The following NTM variants were observed in gnomAD, a reference collection of about 807,000 sequenced individuals.
NTM encodes IgLON family member 2.
Under a neutral mutation model 42.1 loss-of-function variants are expected in NTM, and 13 were observed. The ratio of observed to expected loss-of-function variants is 0.31; its 90% CI spans 0.20 to 0.49. The LOEUF (loss-of-function observed/expected upper bound fraction) is 0.49. NTM is among the 20% of genes least tolerant of loss of function. NTM has a pLI of 0.99. For missense variants in NTM, 373 were observed against 452.8 expected (o/e 0.82, Z 1.60); for synonymous variants, 187 against 179.2 (o/e 1.04, Z -0.35).
Position 132,003,002 on chromosome 11 carries a change from A to G in NTM, c.167+91354A>G, listed in dbSNP as rs1234549542. Among the ~76,000 whole-genome samples the G allele has an allele frequency of 1.3e-5, 2 of 152,168 alleles. No homozygotes were observed. Among genetic ancestry groups the G allele is most frequent in the Admixed American group, 6.5e-5 (1 of 15,282 alleles). On this transcript the variant is annotated intron_variant, in intron 2 of 8. Transcript: ENST00000683400. This position sits in a 1 kb window ranked among gnomAD's most constrained non-coding sequence, Gnocchi z 6.0. ...TACTGTCCGCCTGTCAAAGTTCCTG[A>G]GCAGCAGCTGATTTCTGGCTTAGAA...
Position 131,911,606 on chromosome 11 carries a change from T to C in NTM, c.125T>C (p.Met42Thr), listed in dbSNP as rs201935214. The C allele has an allele frequency of 9.1e-5, 147 of 1,614,170 alleles. No homozygotes were observed. Among genetic ancestry groups the C allele is most frequent in the South Asian group, 1.2e-4 (11 of 91,084 alleles). Residue 42 changes from methionine to threonine, a missense_variant, in exon 2 of 9, where the codon ATG becomes ACG. Transcript: ENST00000683400. ...GGAGATGCCACCTTCCCCAAAGCTA[T>C]GGACAACGTGACGGTCCGGCAGGGG... ...RSGDATFPKA[M>T]DNVTVRQGES...
chr11:131,986,355 A>G (rs1256077620), intron 2 of NTM, among the ~76,000 whole-genome samples: 1 of 152,144 alleles, frequency 6.6e-6, no homozygotes, highest in Non-Finnish European at 1.5e-5. Context: ...CCTTTGCACA[A>G]AAGCTTAATT....
At chr11:131,407,511 C>T (rs971478113) in intron 1 of NTM, among the ~76,000 whole-genome samples, 15 of 152,138 alleles carry the variant, frequency 9.9e-5, no homozygotes, top group African/African-American at 2.4e-4. Context: ...AAACATTCCT[C>T]GGACCCAGGG....
Position 131,989,407 on chromosome 11 carries a change from C to T in NTM, c.167+77759C>T, listed in dbSNP as rs572663168. 3.0e-4 allele frequency among the ~76,000 whole-genome samples: 45 copies of T among 152,178 alleles called. 2 individuals carry two copies. The South Asian group carries it at 6.4e-3, about 22-fold the overall frequency. ...ACTTACTCATTGCAGAATTAAATTA[C>T]GATGTGATATTGCGGTAATAGTTAT... On this transcript the variant is annotated intron_variant, in intron 2 of 8. Transcript: ENST00000683400.
chr11:131,678,257 G>C (rs2658830), intron 1 of NTM, among the ~76,000 whole-genome samples: 112,196 of 152,192 alleles, frequency 0.74, 41,483 homozygotes, highest in Admixed American at 0.78. Context: ...CTGGGCACTC[G>C]TGAGTTGTCT....
intron 1 of NTM, among the ~76,000 whole-genome samples, chr11:131,783,755 A>T (rs1275639159): frequency 6.6e-6 from 1 of 152,170 alleles, no homozygotes; most frequent in East Asian, 1.9e-4. Flanking sequence ...CGAAGGCAAA[A>T]AGGACAAACT....
chr11:131,936,115 T>C (rs770206378), intron 2 of NTM, among the ~76,000 whole-genome samples: 33 of 152,266 alleles, frequency 2.2e-4, no homozygotes, highest in African/African-American at 7.0e-4. Context: ...ACAGCAACAT[T>C]TTAAAACATG....
chr11:131,616,055 A>G (rs1172387550), intron 1 of NTM, among the ~76,000 whole-genome samples: 1 of 152,234 alleles, frequency 6.6e-6, no homozygotes, highest in African/African-American at 2.4e-5. Context: ...AATCCTCAGG[A>G]CACGCTATCC....
At chr11:132,147,991 A>G (rs2137367756) in intron 3 of NTM, among the ~76,000 whole-genome samples, 1 of 152,300 alleles carries the variant, frequency 6.6e-6, no homozygotes, top group East Asian at 1.9e-4. Context: ...AGGACACATG[A>G]GAACAAGGTG....
chr11:131,789,531 A>G (rs1402628102), intron 1 of NTM, among the ~76,000 whole-genome samples: 5 of 28,226 alleles, frequency 1.8e-4, no homozygotes, highest in East Asian at 1.4e-3. Flanking sequence ...GAAGAAGAAG[A>G]AGAAGAAGAA....
At position 132,270,996 on chromosome 11, in the gene NTM, G is replaced by A. The variant is rs185321135; in HGVS notation, c.527-36693G>A. Among the ~76,000 whole-genome samples, 179 of 152,146 alleles carry A rather than the reference G, an allele frequency of 1.2e-3. 1 individual carries two copies. The highest frequency in any genetic ancestry group is 4.1e-3 in the African/African-American group (171 of 41,524). Reference sequence around the variant, plus strand: ...GTTATACAACTACCCGTTTATTGTTGTGCAATACAATCAATTTAGAAAAAT... The same window carrying A: ...GTTATACAACTACCCGTTTATTGTTATGCAATACAATCAATTTAGAAAAAT... On this transcript the variant is annotated intron_variant, in intron 4 of 8. Transcript: ENST00000683400.
intron 1 of NTM, among the ~76,000 whole-genome samples, chr11:131,632,459 T>C (rs1457141702): frequency 1.3e-5 from 2 of 152,146 alleles, no homozygotes; most frequent in East Asian, 3.8e-4. Flanking sequence ...TTTACACCCA[T>C]GTTTTTTGTT....
intron 1 of NTM, among the ~76,000 whole-genome samples, chr11:131,542,350 C>T (rs991955102): frequency 2.6e-5 from 4 of 152,168 alleles, no homozygotes; most frequent in Non-Finnish European, 5.9e-5. Flanking sequence ...GAGAAATGAG[C>T]ATGTCTTCAG....
chr11:132,213,198 T>C (rs1035105040), intron 4 of NTM, among the ~76,000 whole-genome samples: 1 of 152,108 alleles, frequency 6.6e-6, no homozygotes, highest in African/African-American at 2.4e-5. Context: ...AGGTGTGTGA[T>C]TGGCATGAAA....
intron 1 of NTM, among the ~76,000 whole-genome samples, chr11:131,634,614 A>G (rs1053458931): frequency 1.9e-4 from 29 of 148,806 alleles, no homozygotes; most frequent in Non-Finnish European, 3.9e-4. Context: ...TAACTTTAGG[A>G]TGATTTTATA....
intron 7 of NTM, among the ~76,000 whole-genome samples, chr11:132,322,037 A>T (rs2095580861): frequency 6.6e-6 from 1 of 152,134 alleles, no homozygotes; most frequent in Non-Finnish European, 1.5e-5. Context: ...AGTGCTAAAC[A>T]TGGAAAGGAA....
intron 4 of NTM, among the ~76,000 whole-genome samples, chr11:132,254,358 T>C (rs1041763468): frequency 6.6e-6 from 1 of 151,994 alleles, no homozygotes; most frequent in Admixed American, 6.5e-5. Context: ...TCCTTTTGTC[T>C]TTATCTAGAA....
At chr11:131,709,891 G>A (rs566450886) in intron 1 of NTM, among the ~76,000 whole-genome samples, 6 of 152,212 alleles carry the variant, frequency 3.9e-5, no homozygotes, top group South Asian at 2.1e-4. Context: ...AAGAGTCCTC[G>A]TGATGGAAGG....
chr11:131,799,281 C>T (rs1376634171), intron 1 of NTM, among the ~76,000 whole-genome samples: 2 of 152,146 alleles, frequency 1.3e-5, no homozygotes, highest in African/African-American at 4.8e-5. Flanking sequence ...CATACTAATG[C>T]ACAGAGTCAA....
Sources: allele counts gnomAD v4.1 joint callset (sites outside exome capture counted in the v4.1 genomes callset), GRCh38; gene constraint gnomAD v4.1.1; non-coding constraint Gnocchi (gnomAD v3.1); transcripts MANE v1.5; gene names NCBI Gene and HGNC (gene_info 2026-07-23, HGNC 2026-07-21).